Variants in NBAS observed in about 807,000 individuals in gnomAD.
NBAS encodes NBAS subunit of NRZ tethering complex.
In NBAS, 219 loss-of-function variants were observed where a neutral mutation model predicts 302.5. That is an observed-to-expected ratio of 0.72 (90% CI 0.65 to 0.81). The LOEUF is 0.81. Among genes scored for constraint, NBAS ranks in the 30% least tolerant of loss-of-function variants. The pLI, the probability that NBAS is intolerant of heterozygous loss-of-function variation, is 0.00. For synonymous variants in NBAS, 1,118 were observed against 1,021.6 expected, an observed-to-expected ratio of 1.09 and a Z score of -1.80; for missense variants, 2,932 against 2,841.6, an observed-to-expected ratio of 1.03 and a Z score of -0.72.
intron 25 of NBAS, among the ~76,000 whole-genome samples, chr2:15,413,917 AC>A (rs1220069594): frequency 6.6e-6 from 1 of 152,224 alleles, no homozygotes; most frequent in Non-Finnish European, 1.5e-5. Flanking sequence ...CAAAAGGCAC[AC>A]GCTAAATTGC....
intron 33 of NBAS, among the ~76,000 whole-genome samples, chr2:15,354,037 G>A (rs1673495781): frequency 6.6e-6 from 1 of 152,166 alleles, no homozygotes; most frequent in African/African-American, 2.4e-5. Flanking sequence ...CCGAAGATCT[G>A]AGGGCCTGCT....
the NBAS span, among the ~76,000 whole-genome samples, chr2:14,977,534 T>G: frequency 1.3e-5 from 2 of 152,242 alleles, no homozygotes; most frequent in African/African-American, 4.8e-5. Flanking sequence ...CAGTGGTAGA[T>G]TAATTTTCTT....
the NBAS span, among the ~76,000 whole-genome samples, chr2:15,154,137 T>A: frequency 1.3e-5 from 2 of 152,244 alleles, no homozygotes; most frequent in African/African-American, 4.8e-5. Flanking sequence ...GGCTAATGTA[T>A]CCACTTGGAA....
At chr2:15,079,032 A>G in the NBAS span, among the ~76,000 whole-genome samples, 1 of 152,134 alleles carries the variant, frequency 6.6e-6, no homozygotes, top group Non-Finnish European at 1.5e-5. Context: ...CTCCACCATC[A>G]CTTTTCTAAT....
At chr2:14,893,391 A>G in the NBAS span, among the ~76,000 whole-genome samples, 1 of 151,640 alleles carries the variant, frequency 6.6e-6, no homozygotes, top group Non-Finnish European at 1.5e-5. Flanking sequence ...TCTTCTTCCT[A>G]GTTTTTGTTA....
chr2:14,916,470 A>G, the NBAS span, among the ~76,000 whole-genome samples: 3 of 152,236 alleles, frequency 2.0e-5, no homozygotes, highest in Non-Finnish European at 2.9e-5. Flanking sequence ...CCTTAAAAAA[A>G]TCAGAGAGCT....
chr2:15,322,597 C>G (rs137997930), intron 38 of NBAS, among the ~76,000 whole-genome samples: 108 of 152,160 alleles, frequency 7.1e-4, no homozygotes, highest in African/African-American at 2.3e-3. Context: ...TAAATAATGA[C>G]CAACTTTCTT....
At chr2:15,456,393 G>C (rs1679248380) in intron 21 of NBAS, among the ~76,000 whole-genome samples, 1 of 152,180 alleles carries the variant, frequency 6.6e-6, no homozygotes, top group African/African-American at 2.4e-5. Flanking sequence ...ATTTAATATA[G>C]CTTGAACTCT....
chr2:15,551,643 A>G (rs1039698197), intron 5 of NBAS, 107 bp from the exon 6 acceptor site: 4 of 721,908 alleles, frequency 5.5e-6, no homozygotes, highest in South Asian at 4.0e-5. Flanking sequence ...ATGCTCAATC[A>G]TATCTCCTCT....
chr2:15,379,942 A>G, intron 29 of NBAS, 111 bp from the exon 30 acceptor site: 2 of 938,748 alleles, frequency 2.1e-6, no homozygotes, highest in East Asian at 2.6e-5. Flanking sequence ...TCCACCCTAG[A>G]GGTGGTGGCT....
In NBAS at chr2:15,424,320, G is replaced by A. The variant is rs200129517; in HGVS notation, c.2572C>T (p.Arg858Trp). Residue 858 changes from arginine to tryptophan, a missense_variant, in exon 23 of 52, where the codon CGG (arginine) becomes TGG (tryptophan). By Grantham distance (101) the Arg-to-Trp change is moderately radical. Transcript: ENST00000281513. ...TRAEEIEHYA[R>W]QVDCALSLIR... The stretch of plus-strand genomic sequence containing the variant: ...CAGCTGCCATTTCCCCTCACCTGCC[G>A]AGCATAATGCTCTATTTCCTCTGCT... The A allele has an allele frequency of 1.3e-5, 21 of 1,613,952 alleles. No individual in the cohort carries two copies. The highest frequency in any genetic ancestry group is 1.0e-4 in the Admixed American group (6 of 60,006).
chr2:15,558,756 G>A (rs945857823), intron 1 of NBAS, 122 bp from the exon 2 acceptor site: 1 of 787,798 alleles, frequency 1.3e-6, no homozygotes, highest in Non-Finnish European at 2.2e-6. Flanking sequence ...GCACAGGGAA[G>A]CAGTGTCTTA....
chr2:14,910,449 G>C, the NBAS span, among the ~76,000 whole-genome samples: 4,874 of 152,292 alleles, frequency 0.032, 292 homozygotes, highest in African/African-American at 0.11. Flanking sequence ...TGGCAGAAGA[G>C]AGTTTCTTTT....
intron 21 of NBAS, among the ~76,000 whole-genome samples, chr2:15,439,123 G>A (rs112445707): frequency 0.013 from 1,910 of 151,956 alleles, 36 homozygotes; most frequent in African/African-American, 0.043. Context: ...GTGAAACCCC[G>A]TCTCTACTAA....
chr2:15,381,625 T>C (rs1263635394), intron 29 of NBAS, among the ~76,000 whole-genome samples: 1 of 152,196 alleles, frequency 6.6e-6, no homozygotes, highest in Non-Finnish European at 1.5e-5. Flanking sequence ...GTCACTCCAA[T>C]GCACAAACAC....
In NBAS at chr2:15,227,762, T is replaced by C. The variant is rs538011247; in HGVS notation, c.6236+4660A>G. ...GTACAGTCTCTTCAATAAATGGTGC[T>C]GAGAAAATTAGATAACCACACGAAA... is the stretch of plus-strand genomic sequence containing the variant. On this transcript the variant is annotated intron_variant, in intron 47 of 51. Coordinates refer to ENST00000281513, the MANE Select transcript of NBAS (RefSeq NM_015909.4). Among the ~76,000 whole-genome samples the C allele has an allele frequency of 9.8e-5, 15 of 152,294 alleles. No individual in the cohort carries two copies. The East Asian group carries it at 2.5e-3, about 25-fold the overall frequency.
chr2:15,379,075 G>A (rs533354708), intron 30 of NBAS, among the ~76,000 whole-genome samples: 1 of 152,172 alleles, frequency 6.6e-6, no homozygotes, highest in African/African-American at 2.4e-5. Flanking sequence ...TTAAATAAGA[G>A]GGGTGAGCTA....
intron 26 of NBAS, among the ~76,000 whole-genome samples, chr2:15,399,498 A>G (rs1054445970): frequency 6.6e-6 from 1 of 152,036 alleles, no homozygotes; most frequent in Admixed American, 6.5e-5. Context: ...GAAGGCCTAC[A>G]GTTCTCAGAG....
intron 42 of NBAS, among the ~76,000 whole-genome samples, chr2:15,278,940 A>G (rs1046419707): frequency 6.6e-6 from 1 of 152,204 alleles, no homozygotes; most frequent in Non-Finnish European, 1.5e-5. Context: ...AGGAACAGTG[A>G]ATATAAATGG....
Sources: allele counts gnomAD v4.1 joint callset (sites outside exome capture counted in the v4.1 genomes callset), GRCh38; gene constraint gnomAD v4.1.1; transcripts MANE v1.5; gene names NCBI Gene and HGNC (gene_info 2026-07-23, HGNC 2026-07-21).